CATSPERB: variants seen among roughly 807,000 people sequenced by gnomAD.
CATSPERB encodes catsper channel auxiliary subunit beta.
Under a neutral mutation model 128.3 loss-of-function variants are expected in CATSPERB, and 93 were observed. That is an observed-to-expected ratio of 0.72 (90% CI 0.61 to 0.86). The LOEUF (loss-of-function observed/expected upper bound fraction) is 0.86, where lower values mean the gene tolerates loss of function less well. Among genes scored for constraint, CATSPERB ranks in the 40% least tolerant of loss-of-function variants. The probability of loss-of-function intolerance (pLI) is 0.00; values close to 1 mark genes in which losing one functional copy is unlikely to be tolerated. For synonymous variants in CATSPERB, 381 were observed against 448.8 expected (o/e 0.85, Z 1.91); for missense variants, 1,153 against 1,329.5 (o/e 0.87, Z 2.06).
chr14:91,621,495 G>T, intron 19 of CATSPERB, 113 bp downstream of exon 19: 1 of 801,434 alleles, frequency 1.2e-6, no homozygotes, highest in Non-Finnish European at 2.0e-6. Context: ...GTAGTAGAAT[G>T]CCAACAAGTA....
At chr14:91,653,566 A>G (rs1182445253) in intron 15 of CATSPERB, among the ~76,000 whole-genome samples, 1 of 152,208 alleles carries the variant, frequency 6.6e-6, no homozygotes, top group Non-Finnish European at 1.5e-5. Flanking sequence ...CAGAGGGTGG[A>G]AGGCACTTCT....
At position 91,676,896 on chromosome 14, in the gene CATSPERB, CAG is replaced by C. The variant is rs1486254489; in HGVS notation, c.932-2676_932-2675del. ...AGACATCTAGACCAATGGAACATAACAGAGACTTCAGAAATAACACCACACAT... is the reference window on the plus strand; with the variant it reads ...AGACATCTAGACCAATGGAACATAACAGACTTCAGAAATAACACCACACAT... On this transcript the variant is annotated intron_variant, in intron 11 of 26. Transcript: ENST00000256343. 3.3e-5 allele frequency among the ~76,000 whole-genome samples: 5 copies of C among 152,208 alleles called. No homozygotes were observed. In the East Asian group the frequency reaches 9.7e-4, roughly 29 times the overall value.
Position 91,588,131 on chromosome 14 carries a change from T to C in CATSPERB, c.2957-53A>G, listed in dbSNP as rs181720108. The C allele has an allele frequency of 6.8e-6, 8 of 1,180,054 alleles. No homozygotes were observed. The Admixed American group carries it at 1.3e-4, about 19-fold the overall frequency. The allele number at this position is 1,180,054 out of a possible 1,614,324, so 73.1% of individuals were successfully genotyped here. On this transcript the variant is annotated intron_variant, in intron 24 of 26. Transcript: ENST00000256343. Reference sequence around the variant, plus strand: ...CACACTTATTTTTCTCATTTTGTATTAGGTTGGTGCAAAAGTAATTGCTGT... The same window carrying C: ...CACACTTATTTTTCTCATTTTGTATCAGGTTGGTGCAAAAGTAATTGCTGT...
At chr14:91,678,875 T>C (rs1895234570) in intron 11 of CATSPERB, among the ~76,000 whole-genome samples, 1 of 152,174 alleles carries the variant, frequency 6.6e-6, no homozygotes, top group South Asian at 2.1e-4. Context: ...ATCTTCTAAG[T>C]TGTCAGCAAA....
chr14:91,730,809 T>G lies in CATSPERB; in HGVS notation c.-1+1121A>C, dbSNP rs540463754. Among the ~76,000 whole-genome samples, 10 of 152,348 alleles carry G rather than the reference T, an allele frequency of 6.6e-5. No individual in the cohort carries two copies. The East Asian group carries it at 7.7e-4, about 12-fold the overall frequency. On this transcript the variant is annotated intron_variant, in intron 1 of 26. Coordinates refer to ENST00000256343, the MANE Select transcript of CATSPERB (RefSeq NM_024764.4). ...AAACTGACTTGCTTATTAAATACAT[T>G]TAATTGACAATAGAAAGCTCAAACA...
chr14:91,587,021 T>C (rs1479011179), intron 26 of CATSPERB, among the ~76,000 whole-genome samples, 181 bp downstream of exon 26: 2 of 152,214 alleles, frequency 1.3e-5, no homozygotes, highest in Admixed American at 6.5e-5. Flanking sequence ...CTGGCACCCA[T>C]GATGCACCCT....
chr14:91,591,988 G>T lies in CATSPERB; in HGVS notation c.2724C>A (p.Phe908Leu). The T allele has an allele frequency of 6.2e-7, 1 of 1,612,834 alleles. No individual in the cohort carries two copies. The highest frequency in any genetic ancestry group is 1.3e-5 in the African/African-American group (1 of 75,004). ...MFHMSKKTGK[F>L]KQCANVSTRE... ...GAGTGGAAACATTAGCACACTGTTT[G>T]AATTTACCGGTTTTCTGCAAATAGA... is the stretch of plus-strand genomic sequence containing the variant. The change falls in exon 23 of 27, where the codon TTC becomes TTA. Residue 908 changes from phenylalanine (F) to leucine (L), a missense_variant. Phe to Leu is a conservative substitution (Grantham distance 22). Transcript: ENST00000256343.
intron 26 of CATSPERB, among the ~76,000 whole-genome samples, chr14:91,581,344 T>A (rs1385286750): frequency 2.0e-5 from 3 of 152,212 alleles, no homozygotes; most frequent in African/African-American, 7.2e-5. Context: ...CTGTCTTTAA[T>A]GGTGGAAGGA....
At chr14:91,702,075 T>C (rs1895660690) in intron 7 of CATSPERB, among the ~76,000 whole-genome samples, 2 of 151,996 alleles carry the variant, frequency 1.3e-5, no homozygotes. Flanking sequence ...GGTGGCCTCA[T>C]GAGTGTGATC....
At chr14:91,640,765 TG>T in intron 15 of CATSPERB, among the ~76,000 whole-genome samples, 1 of 70,932 alleles carries the variant, frequency 1.4e-5, no homozygotes, top group Non-Finnish European at 2.6e-5. Context: ...TACCCAGTAA[TG>T]GGATGGCTGG....
intron 23 of CATSPERB, among the ~76,000 whole-genome samples, chr14:91,591,606 G>A (rs148122624): frequency 3.9e-3 from 592 of 151,640 alleles, no homozygotes; most frequent in Non-Finnish European, 6.2e-3. Context: ...AGTTGCTTTC[G>A]TATACACAGG....
chr14:91,621,565 A>T (rs764366671), intron 19 of CATSPERB, 43 bp downstream of exon 19: 1 of 1,415,596 alleles, frequency 7.1e-7, no homozygotes, highest in African/African-American at 1.4e-5. Flanking sequence ...CAAGAAAAGA[A>T]ATAACATTTC....
rs1895706404 is a variant in CATSPERB, at chr14:91,704,625, A to G, written c.543T>C (p.Asp181=). Residue 181 remains aspartate (D), a synonymous_variant, in exon 7 of 27, where the codon GAT becomes GAC. Coordinates refer to ENST00000256343, the MANE Select transcript of CATSPERB (RefSeq NM_024764.4). ...EISKLYPHVV[D]LKVTKCPCAN... is the part of the protein sequence containing the mutation. ...CACAGGGGCATTTTGTCACTTTGAGATCTACCACATGTGGATATAATTTAC... is the reference window on the plus strand; with the variant it reads ...CACAGGGGCATTTTGTCACTTTGAGGTCTACCACATGTGGATATAATTTAC... The G allele has an allele frequency of 1.9e-6, 3 of 1,613,646 alleles. No homozygotes were observed. Among genetic ancestry groups the G allele is most frequent in the African/African-American group, 2.7e-5 (2 of 74,870 alleles).
chr14:91,703,295 G>T (rs965096041), intron 7 of CATSPERB, among the ~76,000 whole-genome samples: 1 of 151,942 alleles, frequency 6.6e-6, no homozygotes, highest in Non-Finnish European at 1.5e-5. Flanking sequence ...TTTGGTTTTC[G>T]TCCCTGGCTC....
At chr14:91,641,361 T>C (rs1009846592) in intron 15 of CATSPERB, among the ~76,000 whole-genome samples, 1 of 141,294 alleles carries the variant, frequency 7.1e-6, no homozygotes, top group Non-Finnish European at 1.5e-5. Flanking sequence ...AGGGTTTTTA[T>C]GGTTTTAGGT....
At chr14:91,622,381 G>C (rs1894066721) in intron 18 of CATSPERB, among the ~76,000 whole-genome samples, 1 of 152,086 alleles carries the variant, frequency 6.6e-6, no homozygotes. Flanking sequence ...GAGTATTTAA[G>C]GAGAATATGA....
chr14:91,674,818 G>C (rs1372836648), intron 11 of CATSPERB, among the ~76,000 whole-genome samples: 1 of 152,142 alleles, frequency 6.6e-6, no homozygotes, highest in Non-Finnish European at 1.5e-5. Context: ...GATGACACCA[G>C]CCTATGTTCC....
At chr14:91,689,465 G>T (rs1895430301) in intron 10 of CATSPERB, among the ~76,000 whole-genome samples, 1 of 152,044 alleles carries the variant, frequency 6.6e-6, no homozygotes, top group South Asian at 2.1e-4. Flanking sequence ...AAAGCTAAAG[G>T]GAGTTAAAGG....
At chr14:91,697,784 T>C (rs945362591) in intron 7 of CATSPERB, among the ~76,000 whole-genome samples, 1 of 152,236 alleles carries the variant, frequency 6.6e-6, no homozygotes, top group Non-Finnish European at 1.5e-5. Flanking sequence ...TACTGCAGTC[T>C]TGTAGTATAG....
Sources: gnomAD v4.1 joint callset for allele counts (sites outside exome capture counted in the v4.1 genomes callset) on GRCh38, gnomAD v4.1.1 for gene constraint, MANE v1.5 for transcripts, NCBI Gene and HGNC (gene_info 2026-07-23, HGNC 2026-07-21) for gene names.